The following KCNB2 variants were observed in gnomAD, a reference collection of about 807,000 sequenced individuals.
KCNB2 encodes the protein potassium voltage-gated channel subfamily B member 2, also known as delayed rectifier potassium channel protein.
A neutral mutation model predicts 61.5 loss-of-function variants in KCNB2; 15 were observed. The ratio of observed to expected loss-of-function variants is 0.24; its 90% CI spans 0.16 to 0.38. The LOEUF is 0.38. Ranked by LOEUF, KCNB2 falls within the 10% of genes least tolerant of loss-of-function variation. The pLI, the probability that KCNB2 is intolerant of heterozygous loss-of-function variation, is 1.00. For synonymous variants in KCNB2, 457 were observed against 446.0 expected, an observed-to-expected ratio of 1.02 and a Z score of -0.31; for missense variants, 828 against 1,125.2, an observed-to-expected ratio of 0.74 and a Z score of 3.78.
At chr8:72,760,680 T>A (rs1295712122) in intron 2 of KCNB2, among the ~76,000 whole-genome samples, 3 of 152,142 alleles carry the variant, frequency 2.0e-5, no homozygotes, top group African/African-American at 4.8e-5. Flanking sequence ...ATATGACAGG[T>A]ATGGAGCTCA....
At chr8:72,612,410 A>G (rs1805555780) in intron 2 of KCNB2, among the ~76,000 whole-genome samples, 4 of 152,216 alleles carry the variant, frequency 2.6e-5, no homozygotes, top group Admixed American at 2.6e-4. Flanking sequence ...ATAAAACTTA[A>G]TGGAAGACTT....
chr8:72,692,235 CAAA>C (rs34131843), intron 2 of KCNB2, among the ~76,000 whole-genome samples: 7 of 77,740 alleles, frequency 9.0e-5, no homozygotes, highest in Admixed American at 1.5e-4. Flanking sequence ...GACTCTGTCT[CAAA>C]AAAAAAAAAA....
At chr8:72,665,919 A>G (rs1402394636) in intron 2 of KCNB2, among the ~76,000 whole-genome samples, 1 of 152,256 alleles carries the variant, frequency 6.6e-6, no homozygotes, top group Non-Finnish European at 1.5e-5. Context: ...TAAACTGGTT[A>G]TCACAGCAAA....
At chr8:72,772,277 C>G (rs925902483) in intron 2 of KCNB2, among the ~76,000 whole-genome samples, 1 of 152,208 alleles carries the variant, frequency 6.6e-6, no homozygotes, top group South Asian at 2.1e-4. Context: ...CAGCACTACT[C>G]CATTTTGGAC....
At chr8:72,894,257 A>G (rs1440514635) in intron 2 of KCNB2, among the ~76,000 whole-genome samples, 4 of 152,104 alleles carry the variant, frequency 2.6e-5, no homozygotes, top group African/African-American at 9.7e-5. Context: ...AAAGGCCCTA[A>G]GGGTGGAGCT....
At chr8:72,624,667 T>C (rs1021111822) in intron 2 of KCNB2, among the ~76,000 whole-genome samples, 1 of 152,248 alleles carries the variant, frequency 6.6e-6, no homozygotes, top group Non-Finnish European at 1.5e-5. Flanking sequence ...CACATCATAT[T>C]GAGCATTGCA....
chr8:72,667,715 C>G (rs1806501486), intron 2 of KCNB2, among the ~76,000 whole-genome samples: 1 of 152,194 alleles, frequency 6.6e-6, no homozygotes, highest in Non-Finnish European at 1.5e-5. Flanking sequence ...GCGTGGCTCC[C>G]TGAACTCCAT....
chr8:72,586,999 CGGCCTA>C (rs910454387), intron 2 of KCNB2, among the ~76,000 whole-genome samples: 122 of 152,198 alleles, frequency 8.0e-4, no homozygotes, highest in African/African-American at 2.8e-3. Flanking sequence ...TATTAAAATA[CGGCCTA>C]TTGATAGCAA....
At chr8:72,767,183 T>C (rs1277119718) in intron 2 of KCNB2, among the ~76,000 whole-genome samples, 3 of 152,188 alleles carry the variant, frequency 2.0e-5, no homozygotes, top group African/African-American at 7.2e-5. Flanking sequence ...AGCCAAACCA[T>C]ATCACATGGT....
Position 72,537,822 on chromosome 8 carries a change from A to G in KCNB2, c.-157A>G, listed in dbSNP as rs1806138279. 1 of 152,144 alleles carries G rather than the reference A, an allele frequency of 6.6e-6. No individual in the cohort carries two copies. The highest frequency in any genetic ancestry group is 2.1e-4 in the South Asian group (1 of 4,816). 9.4% of individuals were successfully genotyped at this position (152,144 alleles called of 1,614,324 possible). A position where few individuals can be genotyped will look rare whatever the true frequency, so the allele number is the denominator to read the frequency against. On this transcript the variant is annotated 5_prime_UTR_variant, in exon 1 of 3. Transcript: ENST00000523207. ...AGAGGCTCCCCGGAGGGAGCGGGGA[A>G]TCCCACAGCCCTTTGTGGTGCCCGA...
intron 2 of KCNB2, among the ~76,000 whole-genome samples, chr8:72,932,287 G>T (rs1806801481): frequency 6.6e-6 from 1 of 152,198 alleles, no homozygotes; most frequent in African/African-American, 2.4e-5. Context: ...ATGTCTACGT[G>T]TAAGTGTGCA....
At chr8:72,704,500 GGTGTGTGT>G (rs10524175) in intron 2 of KCNB2, among the ~76,000 whole-genome samples, 2,543 of 147,626 alleles carry the variant, frequency 0.017, 49 homozygotes, top group African/African-American at 0.052. Context: ...AGAGAAAGCT[GGTGTGTGT>G]GTGTGTGTGT....
Position 72,905,262 on chromosome 8 carries a change from G to A in KCNB2, c.580-30673G>A, listed in dbSNP as rs368059797. On this transcript the variant is annotated intron_variant, in intron 2 of 2. Transcript: ENST00000523207. ...AATGTACTCATAGGCTGAATTAACAGAGTTTTATCAAGGATTTTCTCCTGT... is the reference window on the plus strand; with the variant it reads ...AATGTACTCATAGGCTGAATTAACAAAGTTTTATCAAGGATTTTCTCCTGT... Among the ~76,000 whole-genome samples, 5 of 152,264 alleles carry A rather than the reference G, an allele frequency of 3.3e-5. 1 individual carries two copies. In the East Asian group the frequency reaches 5.8e-4, roughly 18 times the overall value.
chr8:72,923,565 C>G (rs527385738), intron 2 of KCNB2, among the ~76,000 whole-genome samples: 17 of 152,234 alleles, frequency 1.1e-4, no homozygotes, highest in Non-Finnish European at 1.9e-4. Flanking sequence ...CACTTCCCAT[C>G]ATGACCTGAA....
intron 2 of KCNB2, among the ~76,000 whole-genome samples, chr8:72,721,183 G>A (rs925381590): frequency 3.3e-5 from 5 of 152,178 alleles, no homozygotes; most frequent in Admixed American, 6.5e-5. Context: ...CTTTTATCCC[G>A]TTCTTGGCTC....
At chr8:72,932,078 G>A (rs1458585398) in intron 2 of KCNB2, among the ~76,000 whole-genome samples, 1 of 152,152 alleles carries the variant, frequency 6.6e-6, no homozygotes, top group East Asian at 1.9e-4. Context: ...GTTGTGGTAA[G>A]TAAAGCAATA....
chr8:72,597,267 C>T (rs1186224835), intron 2 of KCNB2, among the ~76,000 whole-genome samples: 1 of 152,078 alleles, frequency 6.6e-6, no homozygotes, highest in African/African-American at 2.4e-5. Context: ...ATCTCCCTAC[C>T]TCGTGATCTG....
At chr8:72,682,907 T>C (rs970775966) in intron 2 of KCNB2, among the ~76,000 whole-genome samples, 2 of 152,170 alleles carry the variant, frequency 1.3e-5, no homozygotes, top group African/African-American at 4.8e-5. Flanking sequence ...ATGCTTAGCC[T>C]AAGGTTGAAT....
At chr8:72,621,751 AC>A (rs1295428192) in intron 2 of KCNB2, among the ~76,000 whole-genome samples, 1 of 152,192 alleles carries the variant, frequency 6.6e-6, no homozygotes, top group Non-Finnish European at 1.5e-5. Flanking sequence ...TAAAATTTAG[AC>A]TAAAATTCTC....
Sources: allele counts gnomAD v4.1 joint callset (sites outside exome capture counted in the v4.1 genomes callset), GRCh38; gene constraint gnomAD v4.1.1; transcripts MANE v1.5; gene names NCBI Gene and HGNC (gene_info 2026-07-23, HGNC 2026-07-21).